The following TUNAR variants were observed in gnomAD, a reference collection of about 807,000 sequenced individuals.
TUNAR encodes transmembrane neural differentiation associated intracellular calcium regulator, also known as protein TUNAR.
intron 2 of TUNAR, among the ~76,000 whole-genome samples, chr14:95,882,286 T>G (rs1595114079): frequency 6.6e-6 from 1 of 152,030 alleles, no homozygotes; most frequent in Non-Finnish European, 1.5e-5. Flanking sequence ...TACTAAAAAG[T>G]AGAAAATGCA....
intron 2 of TUNAR, among the ~76,000 whole-genome samples, chr14:95,906,912 C>A (rs1052893301): frequency 2.0e-5 from 3 of 152,224 alleles, no homozygotes; most frequent in Non-Finnish European, 2.9e-5. Flanking sequence ...TCTTCCACCA[C>A]CTCTAGGGAA....
At chr14:95,890,831 T>C (rs1186623607) in intron 2 of TUNAR, among the ~76,000 whole-genome samples, 1 of 152,276 alleles carries the variant, frequency 6.6e-6, no homozygotes, top group Non-Finnish European at 1.5e-5. Flanking sequence ...TAATCAAATG[T>C]AATTAAATTA....
chr14:95,877,349 C>G (rs559225809), intron 2 of TUNAR, among the ~76,000 whole-genome samples, 172 bp downstream of exon 1: 49 of 152,362 alleles, frequency 3.2e-4, no homozygotes, highest in Non-Finnish European at 6.5e-4. Flanking sequence ...GCTGAACTGC[C>G]CGGGCAGACC....
chr14:95,920,220 A>G (rs1003089956), intron 2 of TUNAR, among the ~76,000 whole-genome samples: 15 of 152,316 alleles, frequency 9.8e-5, no homozygotes, highest in African/African-American at 3.1e-4. Flanking sequence ...AAGCTCACCA[A>G]TGGTGCTAGA....
intron 2 of TUNAR, among the ~76,000 whole-genome samples, chr14:95,912,600 AACTTTT>A (rs1318516800): frequency 6.6e-6 from 1 of 152,216 alleles, no homozygotes; most frequent in Non-Finnish European, 1.5e-5. Context: ...ATGCTGTATT[AACTTTT>A]CTAGATCTAA....
At chr14:95,914,629 G>C (rs553990520) in intron 2 of TUNAR, among the ~76,000 whole-genome samples, 1 of 152,246 alleles carries the variant, frequency 6.6e-6, no homozygotes, top group East Asian at 1.9e-4. Context: ...GGACAAAAGG[G>C]CTTGTGAAGT....
chr14:95,909,280 C>CTATTT (rs1889474650), intron 2 of TUNAR, among the ~76,000 whole-genome samples: 1 of 140,154 alleles, frequency 7.1e-6, no homozygotes, highest in African/African-American at 2.9e-5. Context: ...TTGCTGCCAT[C>CTATTT]TCTTTTTTTT....
chr14:95,921,496 A>G (rs924063396), intron 2 of TUNAR, among the ~76,000 whole-genome samples: 5 of 152,206 alleles, frequency 3.3e-5, no homozygotes, highest in African/African-American at 1.2e-4. Flanking sequence ...TGCCTCCTGG[A>G]TGGCCATGTT....
chr14:95,918,751 C>A (rs904547932), intron 2 of TUNAR, among the ~76,000 whole-genome samples: 1 of 152,158 alleles, frequency 6.6e-6, no homozygotes, highest in Non-Finnish European at 1.5e-5. Context: ...GCCTTGAAAC[C>A]AAGCAGCCTC....
At chr14:95,916,756 C>T (rs1287095140) in intron 2 of TUNAR, among the ~76,000 whole-genome samples, 1 of 152,168 alleles carries the variant, frequency 6.6e-6, no homozygotes, top group Non-Finnish European at 1.5e-5. Flanking sequence ...TCTGAGAGTC[C>T]CTGCTACCGT....
At chr14:95,917,929 A>G (rs1595126536) in intron 2 of TUNAR, among the ~76,000 whole-genome samples, 1 of 152,288 alleles carries the variant, frequency 6.6e-6, no homozygotes, top group Non-Finnish European at 1.5e-5. Context: ...TGTTACTCCA[A>G]AAAGAAATGC....
chr14:95,880,433 T>C (rs1301550656), intron 2 of TUNAR, among the ~76,000 whole-genome samples: 1 of 152,112 alleles, frequency 6.6e-6, no homozygotes, highest in Non-Finnish European at 1.5e-5. Flanking sequence ...CCTTGCACGG[T>C]AGAGGCTCAG....
intron 2 of TUNAR, among the ~76,000 whole-genome samples, chr14:95,921,481 C>A (rs1324272297): frequency 6.6e-6 from 1 of 152,212 alleles, no homozygotes; most frequent in African/African-American, 2.4e-5. Flanking sequence ...TTTGGCTGCC[C>A]AGTCTGCCTC....
chr14:95,879,749 A>G (rs1342706400), intron 2 of TUNAR, among the ~76,000 whole-genome samples: 1 of 151,592 alleles, frequency 6.6e-6, no homozygotes, highest in Non-Finnish European at 1.5e-5. Context: ...ACTCTTCCAC[A>G]CCATACATAT....
chr14:95,896,297 C>T (rs1464231533), intron 2 of TUNAR, among the ~76,000 whole-genome samples: 1 of 152,132 alleles, frequency 6.6e-6, no homozygotes, highest in Non-Finnish European at 1.5e-5. Flanking sequence ...GTCAGGGTGT[C>T]AGTGTTCAAG....
chr14:95,909,562 C>T (rs1481051147), intron 2 of TUNAR, among the ~76,000 whole-genome samples: 1 of 152,098 alleles, frequency 6.6e-6, no homozygotes, highest in Admixed American at 6.5e-5. Context: ...GGATTACAGG[C>T]GTGAGCCACC....
At chr14:95,915,877 G>C (rs917268533) in intron 2 of TUNAR, among the ~76,000 whole-genome samples, 1 of 152,242 alleles carries the variant, frequency 6.6e-6, no homozygotes, top group Non-Finnish European at 1.5e-5. Context: ...CCTTAGCACA[G>C]TAGGGGTGCT....
intron 2 of TUNAR, among the ~76,000 whole-genome samples, chr14:95,880,148 A>G (rs1284052087): frequency 1.3e-5 from 2 of 152,140 alleles, no homozygotes; most frequent in Non-Finnish European, 2.9e-5. Context: ...GTTTGCATGT[A>G]TATGTGTGTG....
At chr14:95,886,351 C>T (rs1336381977) in intron 2 of TUNAR, among the ~76,000 whole-genome samples, 4 of 152,238 alleles carry the variant, frequency 2.6e-5, no homozygotes, top group Admixed American at 6.5e-5. Flanking sequence ...GCAGAGCTGG[C>T]TGGACAAAGG....
Sources: gnomAD v4.1 joint callset for allele counts (sites outside exome capture counted in the v4.1 genomes callset) on GRCh38, gnomAD v4.1.1 for gene constraint, MANE v1.5 for transcripts, NCBI Gene and HGNC (gene_info 2026-07-23, HGNC 2026-07-21) for gene names.